Variants in SEMA5A observed in about 807,000 individuals in gnomAD.
The protein encoded by SEMA5A is semaphorin-5A.
In SEMA5A, 55 loss-of-function variants were observed where a neutral mutation model predicts 135.5. The ratio of observed to expected loss-of-function variants is 0.41; its 90% CI spans 0.33 to 0.51. SEMA5A has a LOEUF of 0.51. Among genes scored for constraint, SEMA5A ranks in the 20% least tolerant of loss-of-function variants. The pLI, the probability that SEMA5A is intolerant of heterozygous loss-of-function variation, is 0.37. For synonymous variants in SEMA5A, 580 were observed against 546.5 expected, an observed-to-expected ratio of 1.06 and a Z score of -0.85; for missense variants, 1,290 against 1,419.9, an observed-to-expected ratio of 0.91 and a Z score of 1.47.
At chr5:9,191,473 AT>A in intron 10 of SEMA5A, among the ~76,000 whole-genome samples, 1 of 152,326 alleles carries the variant, frequency 6.6e-6, no homozygotes. Flanking sequence ...ATGGTGACTG[AT>A]CCCCAGTAGA....
intron 5 of SEMA5A, among the ~76,000 whole-genome samples, chr5:9,287,845 G>A: frequency 6.6e-6 from 1 of 152,112 alleles, no homozygotes; most frequent in Non-Finnish European, 1.5e-5. Context: ...GCCAATTATG[G>A]CAAAGTAACT....
intron 4 of SEMA5A, among the ~76,000 whole-genome samples, chr5:9,329,951 T>C (rs1753046750): frequency 6.6e-6 from 1 of 152,202 alleles, no homozygotes; most frequent in Non-Finnish European, 1.5e-5. Flanking sequence ...TATGCCATAT[T>C]GTTTTTATTG....
At chr5:9,157,817 T>C (rs2619927) in intron 11 of SEMA5A, among the ~76,000 whole-genome samples, 83,554 of 151,668 alleles carry the variant, frequency 0.55, 25,672 homozygotes, top group Middle Eastern at 0.76. Flanking sequence ...AAGACAGAGA[T>C]GGCCCTATAG....
intron 12 of SEMA5A, among the ~76,000 whole-genome samples, chr5:9,142,977 A>G (rs1256842025): frequency 2.0e-5 from 3 of 152,088 alleles, no homozygotes; most frequent in Non-Finnish European, 4.4e-5. Context: ...CAAACAAATT[A>G]TCTTACAAAA....
At chr5:9,089,281 G>A (rs540828058) in intron 16 of SEMA5A, among the ~76,000 whole-genome samples, 2 of 152,318 alleles carry the variant, frequency 1.3e-5, no homozygotes, top group South Asian at 4.2e-4. Context: ...CTTGGATAAT[G>A]TTTCATAACT....
At chr5:9,297,808 T>A (rs1751416339) in intron 5 of SEMA5A, among the ~76,000 whole-genome samples, 2 of 151,856 alleles carry the variant, frequency 1.3e-5, no homozygotes, top group South Asian at 4.2e-4. Flanking sequence ...GCCACCTGCC[T>A]ACCTTGGCCA....
chr5:9,493,072 A>C (rs1357588591), intron 1 of SEMA5A, among the ~76,000 whole-genome samples: 1 of 152,096 alleles, frequency 6.6e-6, no homozygotes, highest in South Asian at 2.1e-4. Context: ...AGACCACTCT[A>C]GTGGGGAATG....
chr5:9,297,664 C>T (rs563533422), intron 5 of SEMA5A, among the ~76,000 whole-genome samples: 1 of 152,240 alleles, frequency 6.6e-6, no homozygotes, highest in South Asian at 2.1e-4. Context: ...AAATGATCCT[C>T]CCACCTCAGT....
intron 7 of SEMA5A, among the ~76,000 whole-genome samples, chr5:9,226,604 T>C (rs1203526551): frequency 6.6e-6 from 1 of 152,136 alleles, no homozygotes; most frequent in Non-Finnish European, 1.5e-5. Flanking sequence ...AAGTCACTGG[T>C]GGAAAAAAAT....
chr5:9,258,467 C>G (rs144169396), intron 5 of SEMA5A, among the ~76,000 whole-genome samples: 35 of 152,280 alleles, frequency 2.3e-4, no homozygotes, highest in African/African-American at 7.9e-4. Context: ...CTCGCAGGCT[C>G]AAATGCCAAG....
intron 11 of SEMA5A, among the ~76,000 whole-genome samples, chr5:9,188,023 G>T (rs1365313353): frequency 2.0e-5 from 3 of 152,178 alleles, no homozygotes; most frequent in Non-Finnish European, 2.9e-5. Flanking sequence ...CTGAATGTTT[G>T]TGTCCCCCCA....
intron 16 of SEMA5A, among the ~76,000 whole-genome samples, chr5:9,067,178 C>T (rs1737523734): frequency 6.6e-6 from 1 of 152,184 alleles, no homozygotes; most frequent in African/African-American, 2.4e-5. Context: ...CTAACACCTT[C>T]AAGGCCCTTC....
intron 5 of SEMA5A, among the ~76,000 whole-genome samples, chr5:9,251,378 A>G (rs1255460627): frequency 6.6e-6 from 1 of 152,194 alleles, no homozygotes; most frequent in Non-Finnish European, 1.5e-5. Flanking sequence ...TCTCCAACCT[A>G]GAAGAGGGAG....
chr5:9,350,045 T>C (rs747677164), intron 3 of SEMA5A, among the ~76,000 whole-genome samples: 2 of 152,204 alleles, frequency 1.3e-5, no homozygotes, highest in Non-Finnish European at 2.9e-5. Flanking sequence ...TTTGAAGCCA[T>C]ACCTGGAGAG....
At chr5:9,487,216 A>T (rs1465486502) in intron 1 of SEMA5A, among the ~76,000 whole-genome samples, 1 of 152,204 alleles carries the variant, frequency 6.6e-6, no homozygotes, top group Admixed American at 6.5e-5. Flanking sequence ...AAACCCCTGG[A>T]AAATAAGAAG....
chr5:9,035,137 C>T lies in SEMA5A; in HGVS notation c.*7760G>A, dbSNP rs1735579060. Reference sequence around the variant, plus strand: ...AAAATATAATACAATTTATACTGTACACAATCAGGATTCCCTTGTTTTGTT... The same window carrying T: ...AAAATATAATACAATTTATACTGTATACAATCAGGATTCCCTTGTTTTGTT... On this transcript the variant is annotated 3_prime_UTR_variant, in exon 23 of 23. Transcript: ENST00000382496. The T allele has an allele frequency of 6.6e-6, 1 of 152,458 alleles. No individual in the cohort carries two copies. Among genetic ancestry groups the T allele is most frequent in the South Asian group, 2.1e-4 (1 of 4,818 alleles). 9.4% of individuals were successfully genotyped at this position (152,458 alleles called of 1,614,324 possible). A position where few individuals can be genotyped will look rare whatever the true frequency, so the allele number is the denominator to read the frequency against.
At chr5:9,073,539 G>A (rs191545767) in intron 16 of SEMA5A, among the ~76,000 whole-genome samples, 3 of 152,222 alleles carry the variant, frequency 2.0e-5, no homozygotes, top group East Asian at 3.9e-4. Context: ...CTCCTAAGAT[G>A]AGAAACAAGG....
At chr5:9,064,658 G>C (rs1737365894) in intron 17 of SEMA5A, among the ~76,000 whole-genome samples, 1 of 152,146 alleles carries the variant, frequency 6.6e-6, no homozygotes, top group African/African-American at 2.4e-5. Flanking sequence ...TAGGGAGCTA[G>C]GGGAGGGAGG....
chr5:9,418,230 C>T (rs1420877631), intron 2 of SEMA5A, among the ~76,000 whole-genome samples: 3 of 152,082 alleles, frequency 2.0e-5, no homozygotes, highest in Non-Finnish European at 1.5e-5. Flanking sequence ...CCCGCCTTGG[C>T]CTCCCAAAGT....
Sources: allele counts gnomAD v4.1 joint callset (sites outside exome capture counted in the v4.1 genomes callset), GRCh38; gene constraint gnomAD v4.1.1; transcripts MANE v1.5; gene names NCBI Gene and HGNC (gene_info 2026-07-23, HGNC 2026-07-21).